Variants in GABRB1 observed in about 807,000 individuals in gnomAD.
The protein encoded by GABRB1 is gamma-aminobutyric acid type A receptor subunit beta1.
A neutral mutation model predicts 51.6 loss-of-function variants in GABRB1; 17 were observed. That is an observed-to-expected ratio of 0.33 (90% CI 0.23 to 0.49). The LOEUF is 0.49. Among genes scored for constraint, GABRB1 ranks in the 20% least tolerant of loss-of-function variants. The probability of loss-of-function intolerance (pLI) is 0.99; values close to 1 mark genes in which losing one functional copy is unlikely to be tolerated. For missense variants in GABRB1, 410 were observed against 600.6 expected, an observed-to-expected ratio of 0.68 and a Z score of 3.32; for synonymous variants, 247 against 218.9, an observed-to-expected ratio of 1.13 and a Z score of -1.14.
chr4:47,297,789 G>T (rs1465043835), intron 4 of GABRB1, among the ~76,000 whole-genome samples: 1 of 152,082 alleles, frequency 6.6e-6, no homozygotes, highest in African/African-American at 2.4e-5. Context: ...ATCAAAGCCG[G>T]GCAGAGACAC....
At chr4:47,252,296 T>TG (rs569496987) in intron 4 of GABRB1, among the ~76,000 whole-genome samples, 4 of 151,876 alleles carry the variant, frequency 2.6e-5, no homozygotes, top group African/African-American at 4.8e-5. Flanking sequence ...GTTTCTCCAG[T>TG]GGGGGGTGTT....
chr4:47,057,020 C>T (rs368264791), intron 3 of GABRB1, among the ~76,000 whole-genome samples: 1 of 152,060 alleles, frequency 6.6e-6, no homozygotes, highest in Non-Finnish European at 1.5e-5. Flanking sequence ...GCAGGAGAAT[C>T]GCCTGACCCT....
At chr4:47,378,077 G>C (rs1727452626) in intron 5 of GABRB1, among the ~76,000 whole-genome samples, 1 of 152,226 alleles carries the variant, frequency 6.6e-6, no homozygotes, top group African/African-American at 2.4e-5. Flanking sequence ...ATGGGACTGG[G>C]CGCCGTAGAG....
intron 3 of GABRB1, among the ~76,000 whole-genome samples, chr4:47,046,258 C>G (rs752490717): frequency 9.9e-5 from 15 of 151,972 alleles, no homozygotes; most frequent in Non-Finnish European, 1.8e-4. Flanking sequence ...TGAGGACGGA[C>G]TAATACAGTG....
At chr4:47,297,404 C>A (rs867270498) in intron 4 of GABRB1, among the ~76,000 whole-genome samples, 2 of 145,706 alleles carry the variant, frequency 1.4e-5, no homozygotes, top group Non-Finnish European at 3.0e-5. Flanking sequence ...CAAATAGACA[C>A]AAAAAAAATG....
At chr4:47,057,980 ACT>A (rs1325888132) in intron 3 of GABRB1, among the ~76,000 whole-genome samples, 2 of 152,170 alleles carry the variant, frequency 1.3e-5, no homozygotes, top group African/African-American at 4.8e-5. Flanking sequence ...AAACAGCCAA[ACT>A]CTGAGCAAGA....
chr4:47,059,025 C>T (rs1311035598), intron 3 of GABRB1, among the ~76,000 whole-genome samples: 1 of 152,148 alleles, frequency 6.6e-6, no homozygotes, highest in African/African-American at 2.4e-5. Flanking sequence ...GAGAAGATTT[C>T]AATGTCAAAT....
At chr4:47,146,318 C>A (rs752704668) in intron 3 of GABRB1, among the ~76,000 whole-genome samples, 16 of 151,978 alleles carry the variant, frequency 1.1e-4, no homozygotes, top group Non-Finnish European at 2.1e-4. Flanking sequence ...CCCTCTCTCT[C>A]CCCCTTTTCC....
chr4:47,188,437 T>C (rs994109452), intron 4 of GABRB1, among the ~76,000 whole-genome samples: 10 of 151,922 alleles, frequency 6.6e-5, no homozygotes, highest in Non-Finnish European at 1.2e-4. Flanking sequence ...CCAAATCTAA[T>C]TGACCTTCAA....
intron 4 of GABRB1, among the ~76,000 whole-genome samples, chr4:47,291,144 G>C (rs892744099): frequency 6.6e-6 from 1 of 152,070 alleles, no homozygotes; most frequent in African/African-American, 2.4e-5. Flanking sequence ...TGTAGTCTAG[G>C]GACTTGGTGC....
intron 4 of GABRB1, among the ~76,000 whole-genome samples, chr4:47,214,989 CAATTTTAT>C (rs1720498597): frequency 6.6e-6 from 1 of 152,082 alleles, no homozygotes; most frequent in Admixed American, 6.6e-5. Context: ...TTATATTTTT[CAATTTTAT>C]AATAGGTTTG....
chr4:47,362,117 A>C (rs1418539355), intron 5 of GABRB1, among the ~76,000 whole-genome samples: 1 of 152,184 alleles, frequency 6.6e-6, no homozygotes, highest in Non-Finnish European at 1.5e-5. Context: ...ACTAGGAGAA[A>C]ACAATATCAG....
intron 3 of GABRB1, among the ~76,000 whole-genome samples, chr4:47,150,771 C>CA (rs1249946097): frequency 2.0e-5 from 3 of 150,834 alleles, no homozygotes; most frequent in Non-Finnish European, 4.4e-5. Flanking sequence ...AATAAACAGA[C>CA]AAAAATAAAT....
intron 1 of GABRB1, among the ~76,000 whole-genome samples, chr4:47,025,525 T>C (rs1469552560): frequency 6.6e-6 from 1 of 151,950 alleles, no homozygotes; most frequent in Non-Finnish European, 1.5e-5. Flanking sequence ...AGAAAGTAAT[T>C]AGATTATTTC....
chr4:47,183,345 CATATATATATATATATATAT>C lies in GABRB1; in HGVS notation c.461+21893_461+21912del, dbSNP rs57840134. ...AACATCTTATCTGTATGTGTGTGTG[CATATATATATATATATATAT>C]ATATATATATATATATTCCACCACT... is the stretch of plus-strand genomic sequence containing the variant. On this transcript the variant is annotated intron_variant, in intron 4 of 8. Transcript: ENST00000295454. Among the ~76,000 whole-genome samples the C allele has an allele frequency of 1.3e-3, 159 of 124,430 alleles. 4 individuals carry two copies. Among genetic ancestry groups the C allele is most frequent in the African/African-American group, 4.0e-3 (134 of 33,796 alleles). 81.6% of individuals were successfully genotyped at this position (124,430 alleles called of 152,430 possible).
chr4:47,266,270 T>TTC (rs1722636150), intron 4 of GABRB1, among the ~76,000 whole-genome samples: 1 of 152,092 alleles, frequency 6.6e-6, no homozygotes, highest in Non-Finnish European at 1.5e-5. Context: ...TACTTCTGGG[T>TTC]TCTCTATTCT....
chr4:47,281,233 A>G (rs1309970167), intron 4 of GABRB1, among the ~76,000 whole-genome samples: 1 of 152,220 alleles, frequency 6.6e-6, no homozygotes, highest in African/African-American at 2.4e-5. Flanking sequence ...AAATGAACAA[A>G]AGATGGGAAC....
intron 8 of GABRB1, among the ~76,000 whole-genome samples, chr4:47,417,058 G>T (rs1255614742): frequency 6.6e-6 from 1 of 152,142 alleles, no homozygotes; most frequent in East Asian, 1.9e-4. Context: ...AACGAATCCA[G>T]GATAAATGTA....
At chr4:47,205,473 T>C (rs1474739518) in intron 4 of GABRB1, among the ~76,000 whole-genome samples, 1 of 152,138 alleles carries the variant, frequency 6.6e-6, no homozygotes, top group Admixed American at 6.6e-5. Context: ...ATTAATTTTG[T>C]CCAAAGCAAA....
Sources: allele counts gnomAD v4.1 joint callset (sites outside exome capture counted in the v4.1 genomes callset), GRCh38; gene constraint gnomAD v4.1.1; transcripts MANE v1.5; gene names NCBI Gene and HGNC (gene_info 2026-07-23, HGNC 2026-07-21).